RBM47: variants seen among roughly 807,000 people sequenced by gnomAD.
RBM47 encodes RNA-binding protein 47.
A neutral mutation model predicts 47.1 loss-of-function variants in RBM47; 21 were observed. The ratio of observed to expected loss-of-function variants is 0.45; its 90% CI spans 0.32 to 0.64. The LOEUF is 0.64. Among genes scored for constraint, RBM47 ranks in the 30% least tolerant of loss-of-function variants. The pLI, the probability that RBM47 is intolerant of heterozygous loss-of-function variation, is 0.05. For synonymous variants in RBM47, 375 were observed against 361.7 expected, an observed-to-expected ratio of 1.04 and a Z score of -0.42; for missense variants, 708 against 870.9, an observed-to-expected ratio of 0.81 and a Z score of 2.35.
At chr4:40,627,743 C>T (rs1435199177) in intron 1 of RBM47, among the ~76,000 whole-genome samples, 1 of 152,160 alleles carries the variant, frequency 6.6e-6, no homozygotes, top group Non-Finnish European at 1.5e-5. Context: ...CTATAGAACA[C>T]GTGTCCAGAA....
intron 2 of RBM47, among the ~76,000 whole-genome samples, chr4:40,474,361 A>G (rs1283905412): frequency 6.6e-6 from 1 of 151,102 alleles, no homozygotes; most frequent in African/African-American, 2.4e-5. Flanking sequence ...CCCCACACCC[A>G]CCTCCCCCAC....
At chr4:40,467,710 T>C (rs972021469) in intron 2 of RBM47, among the ~76,000 whole-genome samples, 1 of 152,226 alleles carries the variant, frequency 6.6e-6, no homozygotes, top group Admixed American at 6.5e-5. Flanking sequence ...GAAAAGAATT[T>C]AAAGTTCAAG....
At chr4:40,611,200 A>G (rs1441328331) in intron 1 of RBM47, among the ~76,000 whole-genome samples, 1 of 152,218 alleles carries the variant, frequency 6.6e-6, no homozygotes, top group Admixed American at 6.5e-5. Flanking sequence ...TGTAGGCACA[A>G]AATAAATGGT....
At chr4:40,582,432 G>A (rs1000281685) in intron 1 of RBM47, among the ~76,000 whole-genome samples, 9 of 152,160 alleles carry the variant, frequency 5.9e-5, no homozygotes, top group South Asian at 4.1e-4. Flanking sequence ...TACTTGGGAC[G>A]CTGAGGCAGG....
intron 2 of RBM47, among the ~76,000 whole-genome samples, chr4:40,497,903 A>C (rs1722826523): frequency 6.6e-6 from 1 of 151,010 alleles, no homozygotes; most frequent in Admixed American, 6.6e-5. Context: ...GGATCACTTG[A>C]GCCTGGGAGC....
Sources: gnomAD v4.1 joint callset for allele counts (sites outside exome capture counted in the v4.1 genomes callset) on GRCh38, gnomAD v4.1.1 for gene constraint, MANE v1.5 for transcripts, NCBI Gene and HGNC (gene_info 2026-07-23, HGNC 2026-07-21) for gene names.